The following VAV3 variants were observed in gnomAD, a reference collection of about 807,000 sequenced individuals.
The protein encoded by VAV3 is guanine nucleotide exchange factor VAV3.
A neutral mutation model predicts 131.2 loss-of-function variants in VAV3; 94 were observed. That is an observed-to-expected ratio of 0.72 (90% CI 0.61 to 0.85). VAV3 has a LOEUF of 0.85. Ranked by LOEUF, VAV3 falls within the 40% of genes least tolerant of loss-of-function variation. The pLI is 0.00. For missense variants in VAV3, 939 were observed against 1,002.7 expected, an observed-to-expected ratio of 0.94 and a Z score of 0.86; for synonymous variants, 349 against 342.0, an observed-to-expected ratio of 1.02 and a Z score of -0.22.
chr1:107,910,636 C>T (rs372062192), intron 1 of VAV3, among the ~76,000 whole-genome samples: 5 of 152,276 alleles, frequency 3.3e-5, no homozygotes, highest in Admixed American at 6.5e-5. Context: ...ATACTAATAA[C>T]ATAAGGTTTT....
At chr1:107,942,773 G>GT (rs1674063673) in intron 1 of VAV3, among the ~76,000 whole-genome samples, 1 of 151,982 alleles carries the variant, frequency 6.6e-6, no homozygotes. Context: ...TAACTTTCTG[G>GT]TTTGCAATAA....
At chr1:107,630,907 G>A (rs1412529317) in intron 20 of VAV3, among the ~76,000 whole-genome samples, 1 of 152,112 alleles carries the variant, frequency 6.6e-6, no homozygotes, top group Non-Finnish European at 1.5e-5. Context: ...ACGCCATTGA[G>A]TAAGTACAGA....
chr1:107,705,724 C>T (rs1660408359), intron 15 of VAV3, among the ~76,000 whole-genome samples: 1 of 152,270 alleles, frequency 6.6e-6, no homozygotes, highest in South Asian at 2.1e-4. Context: ...CAGACTGTGA[C>T]AACCATATGA....
At chr1:107,779,547 CT>C in intron 2 of VAV3, 55 bp from the exon 3 acceptor site, 3 of 1,431,264 alleles carry the variant, frequency 2.1e-6, no homozygotes, top group Admixed American at 2.5e-5. Context: ...TATAAGATTT[CT>C]TTTTCCAAAA....
chr1:107,960,518 C>T (rs1428179144), intron 1 of VAV3, among the ~76,000 whole-genome samples: 1 of 151,916 alleles, frequency 6.6e-6, no homozygotes, highest in Non-Finnish European at 1.5e-5. Context: ...CACTCCTCTC[C>T]TCATCCCTCT....
intron 2 of VAV3, among the ~76,000 whole-genome samples, chr1:107,794,702 T>A (rs1158284844): frequency 6.6e-6 from 1 of 152,200 alleles, no homozygotes; most frequent in Middle Eastern, 3.2e-3. Flanking sequence ...AGACTTCTTT[T>A]TCTGGGTCTT....
At chr1:107,918,715 T>A (rs1374676940) in intron 1 of VAV3, among the ~76,000 whole-genome samples, 6 of 148,656 alleles carry the variant, frequency 4.0e-5, no homozygotes, top group African/African-American at 1.5e-4. Flanking sequence ...ATTTTTTTTT[T>A]TTTTTGAGAG....
intron 2 of VAV3, among the ~76,000 whole-genome samples, chr1:107,865,986 T>C (rs1022440915): frequency 3.9e-5 from 6 of 152,098 alleles, no homozygotes; most frequent in Non-Finnish European, 5.9e-5. Flanking sequence ...AAGTCTCAGA[T>C]AGGCATGCAT....
intron 2 of VAV3, among the ~76,000 whole-genome samples, chr1:107,818,514 A>G (rs1313801350): frequency 6.6e-6 from 1 of 152,186 alleles, no homozygotes; most frequent in African/African-American, 2.4e-5. Context: ...AGGAACACAT[A>G]TTAGAAAAAC....
intron 2 of VAV3, among the ~76,000 whole-genome samples, chr1:107,792,117 T>C (rs900874464): frequency 2.6e-5 from 4 of 152,232 alleles, no homozygotes; most frequent in African/African-American, 9.6e-5. Context: ...ACATTCCCCA[T>C]TGTTCCACTG....
intron 1 of VAV3, among the ~76,000 whole-genome samples, chr1:107,908,825 AC>A (rs1230302953): frequency 2.7e-3 from 6 of 2,240 alleles, no homozygotes; most frequent in Admixed American, 5.0e-3. Context: ...ACTCAAACAC[AC>A]ACACACACAC....
intron 19 of VAV3, among the ~76,000 whole-genome samples, chr1:107,669,672 G>T (rs773487591): frequency 4.0e-5 from 6 of 151,832 alleles, no homozygotes; most frequent in Non-Finnish European, 5.9e-5. Context: ...CCAGCATGAG[G>T]TTTACATTAG....
At chr1:107,933,752 G>T (rs1026215090) in intron 1 of VAV3, among the ~76,000 whole-genome samples, 1 of 143,406 alleles carries the variant, frequency 7.0e-6, no homozygotes, top group Non-Finnish European at 1.5e-5. Flanking sequence ...GGAATTCAAG[G>T]CTTCAGTGAG....
intron 16 of VAV3, 133 bp downstream of exon 16, chr1:107,704,827 G>T: frequency 1.9e-6 from 2 of 1,079,132 alleles, no homozygotes; most frequent in Non-Finnish European, 2.7e-6. Context: ...GCCTGGCAAA[G>T]GTTTGTGGGA....
chr1:107,700,728 T>C (rs6676776), intron 17 of VAV3, among the ~76,000 whole-genome samples: 129,118 of 151,938 alleles, frequency 0.85, 55,103 homozygotes, highest in Middle Eastern at 0.96. Context: ...GATTCCGTGC[T>C]TTTGCCATTG....
intron 17 of VAV3, among the ~76,000 whole-genome samples, chr1:107,698,817 A>C (rs1306447770): frequency 2.6e-5 from 4 of 152,176 alleles, no homozygotes; most frequent in Admixed American, 2.6e-4. Context: ...CAATTCTTAC[A>C]TGGAGGCAGG....
intron 2 of VAV3, among the ~76,000 whole-genome samples, chr1:107,810,193 C>G (rs867838555): frequency 6.6e-6 from 1 of 152,076 alleles, no homozygotes; most frequent in South Asian, 2.1e-4. Flanking sequence ...TTCAACCTTG[C>G]CTTTGGGGGC....
chr1:107,949,927 C>T (rs956728608), intron 1 of VAV3, among the ~76,000 whole-genome samples: 5 of 152,104 alleles, frequency 3.3e-5, no homozygotes, highest in Non-Finnish European at 7.4e-5. Flanking sequence ...TCAGGTATTG[C>T]CTATATGATT....
chr1:107,850,331 T>C (rs1669160549), intron 2 of VAV3, among the ~76,000 whole-genome samples: 1 of 152,084 alleles, frequency 6.6e-6, no homozygotes. Flanking sequence ...TAAATGCCCA[T>C]CAATGATAGA....
Sources: allele counts gnomAD v4.1 joint callset (sites outside exome capture counted in the v4.1 genomes callset), GRCh38; gene constraint gnomAD v4.1.1; transcripts MANE v1.5; gene names NCBI Gene and HGNC (gene_info 2026-07-23, HGNC 2026-07-21).